Variants in DDX52 observed in about 807,000 individuals in gnomAD.
DDX52 encodes probable ATP-dependent RNA helicase DDX52.
Under a neutral mutation model 76.1 loss-of-function variants are expected in DDX52, and 59 were observed. The observed-to-expected ratio is 0.78, with a 90% CI of 0.63 to 0.96. The LOEUF is 0.96. Ranked by LOEUF, DDX52 falls within the 40% of genes least tolerant of loss-of-function variation. The pLI, the probability that DDX52 is intolerant of heterozygous loss-of-function variation, is 0.00. For missense variants in DDX52, 707 were observed against 703.9 expected (o/e 1.00, Z -0.05); for synonymous variants, 231 against 244.1 (o/e 0.95, Z 0.50).
At chr17:37,629,266 CACACACACACAT>C (rs1424415738) in intron 5 of DDX52, among the ~76,000 whole-genome samples, 45 of 137,138 alleles carry the variant, frequency 3.3e-4, no homozygotes, top group African/African-American at 1.3e-3. Flanking sequence ...CACACACACA[CACACACACACAT>C]AGTACTATTA....
At chr17:37,615,107 G>C (rs1043369495) in intron 14 of DDX52, 8 of 152,288 alleles carry the variant, frequency 5.3e-5, no homozygotes, top group Non-Finnish European at 1.0e-4. Flanking sequence ...GTAGCTCAAT[G>C]GGGAAGTTGG....
chr17:37,619,933 C>T, intron 12 of DDX52, 94 bp from the exon 13 acceptor site: 2 of 1,199,732 alleles, frequency 1.7e-6, no homozygotes, highest in Non-Finnish European at 2.4e-6. Flanking sequence ...GGAACTAAAA[C>T]TACACAAAGT....
At chr17:37,628,713 T>C (rs778570808) in intron 5 of DDX52, 41 bp from the exon 6 acceptor site, 1 of 1,401,356 alleles carries the variant, frequency 7.1e-7, no homozygotes, top group East Asian at 2.3e-5. Context: ...GCTAACATAC[T>C]TGGACAAGAT....
chr17:37,638,332 G>A (rs1377965161), intron 2 of DDX52, among the ~76,000 whole-genome samples: 2 of 152,206 alleles, frequency 1.3e-5, no homozygotes, highest in Non-Finnish European at 2.9e-5. Flanking sequence ...CAATGATTCT[G>A]TAGATCACTG....
Position 37,633,319 on chromosome 17 carries a change from G to A in DDX52, c.386C>T (p.Ser129Phe). The A allele has an allele frequency of 6.2e-7, 1 of 1,610,360 alleles. No individual in the cohort carries two copies. The highest frequency in any genetic ancestry group is 8.5e-7 in the Non-Finnish European group (1 of 1,178,724). Reference protein sequence around the residue: ...KKVQRESKLTSGKLENLRKEK... With the variant: ...KKVQRESKLTFGKLENLRKEK... Reference sequence around the variant, plus strand: ...TTTTCTGAGATTCTCCAACTTTCCGGAAGTTAGTTTACTTTCTCTCTGAAC... The same window carrying A: ...TTTTCTGAGATTCTCCAACTTTCCGAAAGTTAGTTTACTTTCTCTCTGAAC... Residue 129 changes from serine (S) to phenylalanine (F), a missense_variant, in exon 3 of 15, where the codon TCC (serine) becomes TTC (phenylalanine). By Grantham distance (155) the Ser-to-Phe change is radical. Coordinates refer to ENST00000617633, the MANE Select transcript of DDX52 (RefSeq NM_007010.5).
chr17:37,635,486 G>T (rs1357162239), intron 2 of DDX52: 2 of 391,602 alleles, frequency 5.1e-6, no homozygotes, highest in Non-Finnish European at 1.0e-5. Context: ...TTTTTGTCTG[G>T]CTTCTTTCAC....
chr17:37,619,351 A>C (rs2029955902), intron 13 of DDX52, among the ~76,000 whole-genome samples: 1 of 152,200 alleles, frequency 6.6e-6, no homozygotes, highest in South Asian at 2.1e-4. Context: ...AAGGAAAAAA[A>C]TAAATAAATA....
intron 14 of DDX52, among the ~76,000 whole-genome samples, chr17:37,615,395 A>G (rs946464034): frequency 2.6e-5 from 4 of 152,178 alleles, no homozygotes; most frequent in African/African-American, 9.7e-5. Flanking sequence ...ACCTCAGAAG[A>G]AGGCAGGTGC....
chr17:37,632,598 G>A (rs111842542), intron 3 of DDX52, among the ~76,000 whole-genome samples: 10 of 152,246 alleles, frequency 6.6e-5, no homozygotes, highest in African/African-American at 2.4e-4. Context: ...TTAATATGGT[G>A]GTTAACATAC....
intron 2 of DDX52, chr17:37,635,648 C>A (rs1411992450): frequency 2.2e-6 from 1 of 455,422 alleles, no homozygotes; most frequent in East Asian, 6.9e-5. Context: ...TGGCTATAAG[C>A]AATGTTGCTA....
Position 37,613,613 on chromosome 17 carries a change from A to G in DDX52, c.*683T>C, listed in dbSNP as rs140998204. Reference sequence around the variant, plus strand: ...CAGGGAACTGGAATAACCAGCCACAAAAGAGGCCTCTCTTTGTTGTGGTTC... The same window carrying G: ...CAGGGAACTGGAATAACCAGCCACAGAAGAGGCCTCTCTTTGTTGTGGTTC... On this transcript the variant is annotated 3_prime_UTR_variant, in exon 15 of 15. Transcript: ENST00000617633. 1.3e-5 allele frequency: 2 copies of G among 152,466 alleles called. No individual in the cohort carries two copies. The highest frequency in any genetic ancestry group is 4.8e-5 in the African/African-American group (2 of 41,578). The allele number at this position is 152,466 out of a possible 1,614,324, so 9.4% of individuals were successfully genotyped here. A position where few individuals can be genotyped will look rare whatever the true frequency, so the allele number is the denominator to read the frequency against.
rs551285806 is a variant in DDX52 at position 37,643,318 on chromosome 17, C to A, written c.87+16G>T. 1.8e-4 allele frequency: 291 copies of A among 1,609,694 alleles called. 2 individuals are homozygous for A. The South Asian group carries it at 3.0e-3, about 17-fold the overall frequency. ...CCTTCTCAGTTACTCGGCCCTCGGT[C>A]CCTTGGGCACAGTACCTGGAATCGA... On this transcript the variant is annotated intron_variant, in intron 1 of 14. Coordinates refer to ENST00000617633, the MANE Select transcript of DDX52 (RefSeq NM_007010.5).
intron 1 of DDX52, chr17:37,643,031 G>A: frequency 3.4e-6 from 1 of 293,976 alleles, no homozygotes; most frequent in Non-Finnish European, 6.2e-6. Flanking sequence ...TTTCCTCTAG[G>A]TTCGGAGAAA....
At position 37,642,203 on chromosome 17, in the gene DDX52, G is replaced by A. The variant is rs754488311; in HGVS notation, c.193C>T (p.His65Tyr). 1 of 1,613,762 alleles carries A rather than the reference G, an allele frequency of 6.2e-7. No homozygotes were observed. The highest frequency in any genetic ancestry group is 8.5e-7 in the Non-Finnish European group (1 of 1,179,966). The change falls in exon 2 of 15, where the codon CAT becomes TAT. Residue 65 changes from histidine to tyrosine, a missense_variant. Physicochemically the swap from His to Tyr is moderately conservative, Grantham distance 83. Transcript: ENST00000617633. ...TTCTCTCCATTTTGGGGCTTCTGAT[G>A]TGTTTGTGATGCTCCACACACACCT... Reference protein sequence around the residue: ...VPGVCGASQTHQKPQNGEKKE... With the variant: ...VPGVCGASQTYQKPQNGEKKE...
intron 2 of DDX52, among the ~76,000 whole-genome samples, chr17:37,635,003 G>A (rs1040996187): frequency 6.6e-6 from 1 of 151,788 alleles, no homozygotes; most frequent in Non-Finnish European, 1.5e-5. Context: ...GTTTCACCAC[G>A]TTGGCCAGGC....
At position 37,621,241 on chromosome 17, in the gene DDX52, T is replaced by C; in HGVS notation, c.1387A>G (p.Ile463Val). Residue 463 changes from isoleucine to valine, a missense_variant, in exon 11 of 15, where the codon ATC (isoleucine) becomes GTC (valine). Transcript: ENST00000617633. ...AAGGCTGTACAAATCAGAACCCAGA[T>C]TTTTCCTGCTCTGAAACTGTGGACT... is the stretch of plus-strand genomic sequence containing the variant. ...NTVHSFRAGK[I>V]WVLICTALLA... The C allele has an allele frequency of 1.9e-6, 3 of 1,613,668 alleles. No homozygotes were observed. Among genetic ancestry groups the C allele is most frequent in the Non-Finnish European group, 2.5e-6 (3 of 1,179,844 alleles).
rs1051526451 is a variant in DDX52, at chr17:37,619,971, C to T, written c.1578-132G>A. ...TCCACAAAGTGTTCTGATATATTATCAATTATTACCTGATGTAAGCACATT... is the reference window on the plus strand; with the variant it reads ...TCCACAAAGTGTTCTGATATATTATTAATTATTACCTGATGTAAGCACATT... On this transcript the variant is annotated intron_variant, in intron 12 of 14. Coordinates refer to ENST00000617633, the MANE Select transcript of DDX52 (RefSeq NM_007010.5). 8 of 795,772 alleles carry T rather than the reference C, an allele frequency of 1.0e-5. No individual in the cohort carries two copies. The African/African-American group carries it at 1.2e-4, about 12-fold the overall frequency. The allele number at this position is 795,772 out of a possible 1,614,324, so 49.3% of individuals were successfully genotyped here.
Position 37,632,106 on chromosome 17 carries a change from T to C in DDX52, c.603+7A>G. The C allele has an allele frequency of 6.2e-7, 1 of 1,612,876 alleles. No individual in the cohort carries two copies. The highest frequency in any genetic ancestry group is 8.5e-7 in the Non-Finnish European group (1 of 1,179,758). On this transcript the variant is annotated splice_region_variant and intron_variant, in intron 4 of 14. Coordinates refer to ENST00000617633, the MANE Select transcript of DDX52 (RefSeq NM_007010.5). ...ATGTTACAGGCATTCTAGATCTTCA[T>C]ACTCACATGCAGCATAACTGGGATG...
intron 2 of DDX52, among the ~76,000 whole-genome samples, chr17:37,640,687 GAAA>G (rs11432784): frequency 0.23 from 23,265 of 101,614 alleles, 1,850 homozygotes; most frequent in Middle Eastern, 0.34. Context: ...TACAGTACAA[GAAA>G]AAAAAAAAAA....
Sources: gnomAD v4.1 joint callset for allele counts (sites outside exome capture counted in the v4.1 genomes callset) on GRCh38, gnomAD v4.1.1 for gene constraint, MANE v1.5 for transcripts, NCBI Gene and HGNC (gene_info 2026-07-23, HGNC 2026-07-21) for gene names.